Variants in ACACA observed in about 807,000 individuals in gnomAD.
ACACA encodes acetyl-CoA carboxylase 1.
ACACA carries 103 observed loss-of-function variants against 296.1 expected under a neutral mutation model. That is an observed-to-expected ratio of 0.35 (90% CI 0.30 to 0.41). ACACA has a LOEUF of 0.41. Ranked by LOEUF, ACACA falls within the 10% of genes least tolerant of loss-of-function variation. ACACA has a pLI of 1.00. For synonymous variants in ACACA, 953 were observed against 1,038.6 expected, an observed-to-expected ratio of 0.92 and a Z score of 1.58; for missense variants, 1,554 against 2,989.7, an observed-to-expected ratio of 0.52 and a Z score of 11.20.
intron 5 of ACACA, among the ~76,000 whole-genome samples, 176 bp downstream of exon 5, chr17:37,283,091 C>T (rs934408657): frequency 3.3e-5 from 5 of 152,192 alleles, no homozygotes; most frequent in African/African-American, 2.4e-5. Flanking sequence ...GACTATAGTG[C>T]AATCATTTTT....
intron 52 of ACACA, among the ~76,000 whole-genome samples, chr17:37,099,898 A>G (rs1336769449): frequency 2.0e-5 from 3 of 152,200 alleles, no homozygotes; most frequent in Admixed American, 6.5e-5. Flanking sequence ...GGAAGCCCTC[A>G]AAAAACGATT....
At chr17:37,385,952 C>A (rs1000054688) in intron 1 of ACACA, 1 of 1,222,148 alleles carries the variant, frequency 8.2e-7, no homozygotes. Flanking sequence ...TCAGATAAAA[C>A]CAAAGGCAGG....
intron 10 of ACACA, among the ~76,000 whole-genome samples, chr17:37,265,753 C>T (rs2081737284): frequency 6.6e-6 from 1 of 152,042 alleles, no homozygotes; most frequent in Non-Finnish European, 1.5e-5. Context: ...TAGTTTGGTT[C>T]CCTGGGAGTA....
chr17:37,205,666 A>G, intron 33 of ACACA, 99 bp downstream of exon 33: 1 of 957,558 alleles, frequency 1.0e-6, no homozygotes, highest in Non-Finnish European at 1.7e-6. Context: ...AGTTATGATA[A>G]AAGACATAGC....
chr17:37,389,078 C>T (rs2050676100), intron 1 of ACACA, among the ~76,000 whole-genome samples: 1 of 152,150 alleles, frequency 6.6e-6, no homozygotes, highest in Non-Finnish European at 1.5e-5. Flanking sequence ...AAATGCAGTT[C>T]CTTTCCTCTG....
At chr17:37,174,010 A>AT (rs1373844954) in intron 41 of ACACA, among the ~76,000 whole-genome samples, 14 of 12,180 alleles carry the variant, frequency 1.1e-3, no homozygotes, top group South Asian at 5.6e-3. Flanking sequence ...ATATATATAT[A>AT]TATATATATA....
chr17:37,260,286 ATATATATATAT>A (rs1479397673), intron 11 of ACACA, among the ~76,000 whole-genome samples: 1 of 30,890 alleles, frequency 3.2e-5, no homozygotes, highest in Non-Finnish European at 5.3e-5. Flanking sequence ...ATATATATAT[ATATATATATAT>A]TTTTTTTTTT....
At chr17:37,166,637 T>A (rs2076679290) in intron 41 of ACACA, among the ~76,000 whole-genome samples, 1 of 152,242 alleles carries the variant, frequency 6.6e-6, no homozygotes, top group Non-Finnish European at 1.5e-5. Context: ...TGACAACTAC[T>A]GATAGTGGTT....
chr17:37,375,912 C>T, intron 1 of ACACA: 1 of 520,056 alleles, frequency 1.9e-6, no homozygotes, highest in Non-Finnish European at 3.4e-6. Flanking sequence ...AGCCCTTTCT[C>T]CAATTAGATC....
chr17:37,105,658 A>C (rs952542002), intron 52 of ACACA, among the ~76,000 whole-genome samples: 1 of 152,022 alleles, frequency 6.6e-6, no homozygotes, highest in Non-Finnish European at 1.5e-5. Context: ...TGAGGTCGGG[A>C]GTTCAAGACC....
intron 36 of ACACA, among the ~76,000 whole-genome samples, chr17:37,192,736 T>A (rs1159407609): frequency 6.6e-6 from 1 of 152,166 alleles, no homozygotes; most frequent in Non-Finnish European, 1.5e-5. Flanking sequence ...TTATGATAAG[T>A]ACAAAGGACA....
At chr17:37,174,008 A>AT (rs2077001507) in intron 41 of ACACA, among the ~76,000 whole-genome samples, 13 of 12,474 alleles carry the variant, frequency 1.0e-3, no homozygotes, top group African/African-American at 1.6e-3. Context: ...ATATATATAT[A>AT]TATATATATA....
chr17:37,098,004 C>G lies in ACACA; in HGVS notation c.6566-20G>C, dbSNP rs1247522585. On this transcript the variant is annotated intron_variant, in intron 52 of 55. Transcript: ENST00000616317. Reference sequence around the variant, plus strand: ...GGGTCCCTGCAATTAGATAAACATGCCCGTCACACTCTGTAATGACCAGGA... The same window carrying G: ...GGGTCCCTGCAATTAGATAAACATGGCCGTCACACTCTGTAATGACCAGGA... 1.2e-6 allele frequency: 2 copies of G among 1,614,054 alleles called. No individual in the cohort carries two copies. The highest frequency in any genetic ancestry group is 1.7e-6 in the Non-Finnish European group (2 of 1,180,020).
chr17:37,363,540 C>T (rs1301448602), intron 1 of ACACA, among the ~76,000 whole-genome samples: 1 of 152,016 alleles, frequency 6.6e-6, no homozygotes, highest in Non-Finnish European at 1.5e-5. Context: ...TGAGAACAGT[C>T]GTTTAAGATT....
At chr17:37,251,950 C>T (rs1354589775) in intron 16 of ACACA, 55 bp downstream of exon 16, 13 of 1,496,632 alleles carry the variant, frequency 8.7e-6, no homozygotes, top group Middle Eastern at 1.7e-4. Flanking sequence ...GAGCTTCAGT[C>T]CCTGTACTCA....
chr17:37,339,331 A>T (rs1045561737), intron 2 of ACACA, among the ~76,000 whole-genome samples: 8 of 152,326 alleles, frequency 5.3e-5, no homozygotes, highest in Non-Finnish European at 8.8e-5. Flanking sequence ...AGTTAATAAA[A>T]CACGGTTCCT....
chr17:37,341,492 C>A (rs2048368922), intron 1 of ACACA, among the ~76,000 whole-genome samples: 1 of 152,002 alleles, frequency 6.6e-6, no homozygotes, highest in Non-Finnish European at 1.5e-5. Context: ...GGAGTCAAAA[C>A]CAGCTGGGCC....
At chr17:37,160,828 A>G (rs1297988274) in intron 42 of ACACA, among the ~76,000 whole-genome samples, 2 of 152,184 alleles carry the variant, frequency 1.3e-5, no homozygotes, top group Non-Finnish European at 2.9e-5. Context: ...AGAACAGAAG[A>G]AAGGTGGGAG....
rs759587041 is a variant in ACACA, at chr17:37,179,307, C to T, written c.5032G>A (p.Asp1678Asn). ...MLTYTELVLDDQGQLVHMNRL... is the reference protein window; with the variant it reads ...MLTYTELVLDNQGQLVHMNRL... ...TTCATGTGGACCAGCTGACCTTGAT[C>T]ATCCAGTACCAGTTCAGTGTAAGTC... Residue 1678 changes from aspartate (D) to asparagine (N), a missense_variant, in exon 41 of 56, where the codon GAT (aspartate) becomes AAT (asparagine). Asp to Asn is a conservative substitution (Grantham distance 23, BLOSUM62 1). Transcript: ENST00000616317. The T allele has an allele frequency of 7.4e-6, 12 of 1,614,140 alleles. No homozygotes were observed. In the Admixed American group the frequency reaches 1.8e-4, roughly 25 times the overall value.
Sources: allele counts gnomAD v4.1 joint callset (sites outside exome capture counted in the v4.1 genomes callset), GRCh38; gene constraint gnomAD v4.1.1; transcripts MANE v1.5; gene names NCBI Gene and HGNC (gene_info 2026-07-23, HGNC 2026-07-21).